Variants in SOX6 observed in about 807,000 individuals in gnomAD.
SOX6 encodes the protein SRY-box transcription factor 6.
Under a neutral mutation model 97.8 loss-of-function variants are expected in SOX6, and 11 were observed. The ratio of observed to expected loss-of-function variants is 0.11; its 90% CI spans 0.07 to 0.19. The LOEUF (loss-of-function observed/expected upper bound fraction) is 0.19. Among genes scored for constraint, SOX6 ranks in the 10% least tolerant of loss-of-function variants. SOX6 has a pLI of 1.00. For synonymous variants in SOX6, 360 were observed against 371.4 expected (o/e 0.97, Z 0.35); for missense variants, 810 against 1,039.5 (o/e 0.78, Z 3.04).
At chr11:16,274,968 GA>G in intron 3 of SOX6, among the ~76,000 whole-genome samples, 1 of 151,986 alleles carries the variant, frequency 6.6e-6, no homozygotes, top group South Asian at 2.1e-4. Flanking sequence ...TATTACTTCA[GA>G]AAAGAAATAA....
intron 3 of SOX6, among the ~76,000 whole-genome samples, chr11:16,652,414 A>G (rs1294463198): frequency 2.0e-5 from 3 of 152,232 alleles, no homozygotes; most frequent in Non-Finnish European, 4.4e-5. Flanking sequence ...AAAAATAGGT[A>G]CATAGACCAA....
At chr11:16,090,394 C>T (rs1848659127) in intron 9 of SOX6, among the ~76,000 whole-genome samples, 1 of 152,022 alleles carries the variant, frequency 6.6e-6, no homozygotes, top group Non-Finnish European at 1.5e-5. Flanking sequence ...TCCAGTTTAT[C>T]CAATGTTTTA....
At chr11:16,698,056 T>C (rs565760848) in intron 3 of SOX6, among the ~76,000 whole-genome samples, 1 of 152,328 alleles carries the variant, frequency 6.6e-6, no homozygotes, top group African/African-American at 2.4e-5. Context: ...CTAGCCACAT[T>C]AGCCACTAAC....
At chr11:16,603,204 G>C (rs1848292217) in intron 4 of SOX6, among the ~76,000 whole-genome samples, 1 of 152,156 alleles carries the variant, frequency 6.6e-6, no homozygotes, top group South Asian at 2.1e-4. Flanking sequence ...CTAATGTTGA[G>C]TGTTGAATTC....
intron 3 of SOX6, among the ~76,000 whole-genome samples, chr11:16,626,916 C>G (rs1848631154): frequency 6.6e-6 from 1 of 152,110 alleles, no homozygotes; most frequent in Non-Finnish European, 1.5e-5. Context: ...TACAAATTAT[C>G]CCATCACCCA....
rs557392244 is a variant in SOX6, at chr11:16,613,947, C to A, written n.430-1687G>T. ...CTGAAAGAGAAGCAAAGGGAGGGCG[C>A]CCTGCGGGCGGGCGGGCCACGCTAG... is the stretch of plus-strand genomic sequence containing the variant. On this transcript the variant is annotated intron_variant and non_coding_transcript_variant, in intron 3 of 5. Coordinates refer to the SOX6 transcript ENST00000524520. This position sits in a 1 kb window ranked among gnomAD's most constrained non-coding sequence, Gnocchi z 4.6. 5.3e-5 allele frequency among the ~76,000 whole-genome samples: 8 copies of A among 152,268 alleles called. No homozygotes were observed. The highest frequency in any genetic ancestry group is 1.9e-4 in the African/African-American group (8 of 41,560).
At chr11:16,415,703 A>C (rs1032570548) in intron 1 of SOX6, among the ~76,000 whole-genome samples, 3 of 152,200 alleles carry the variant, frequency 2.0e-5, no homozygotes, top group African/African-American at 7.2e-5. Flanking sequence ...TGTCTTAATT[A>C]AAAATTATAT....
chr11:16,399,736 G>A (rs1858494508), intron 1 of SOX6, among the ~76,000 whole-genome samples: 1 of 151,364 alleles, frequency 6.6e-6, no homozygotes, highest in Non-Finnish European at 1.5e-5. Flanking sequence ...GAGTGATACT[G>A]GTGACATTTC....
chr11:16,512,128 T>C (rs1860891199), intron 4 of SOX6, among the ~76,000 whole-genome samples: 1 of 152,094 alleles, frequency 6.6e-6, no homozygotes, highest in Non-Finnish European at 1.5e-5. Flanking sequence ...TCCAAACACT[T>C]GATGTACACC....
At chr11:16,658,911 T>TA (rs1025159486) in intron 3 of SOX6, among the ~76,000 whole-genome samples, 5 of 152,048 alleles carry the variant, frequency 3.3e-5, no homozygotes, top group African/African-American at 1.2e-4. Flanking sequence ...CTTCCTTTTT[T>TA]AAAAAAAGAA....
At chr11:16,290,041 C>T (rs1204712168) in intron 3 of SOX6, among the ~76,000 whole-genome samples, 3 of 151,932 alleles carry the variant, frequency 2.0e-5, no homozygotes, top group Non-Finnish European at 4.4e-5. Flanking sequence ...CAATGATTTC[C>T]ATGTTTCCAT....
At chr11:16,238,297 A>G (rs2134181279) in intron 3 of SOX6, among the ~76,000 whole-genome samples, 1 of 152,096 alleles carries the variant, frequency 6.6e-6, no homozygotes, top group African/African-American at 2.4e-5. Context: ...TTCTCTTTCA[A>G]GAAATTTGAG....
chr11:16,353,110 C>T (rs1856989668), intron 1 of SOX6, among the ~76,000 whole-genome samples: 1 of 151,992 alleles, frequency 6.6e-6, no homozygotes, highest in Non-Finnish European at 1.5e-5. Context: ...AATGTCACTG[C>T]CCGTTTATTT....
At chr11:16,240,974 TA>T (rs1163345290) in intron 3 of SOX6, among the ~76,000 whole-genome samples, 1 of 145,808 alleles carries the variant, frequency 6.9e-6, no homozygotes, top group East Asian at 2.0e-4. Context: ...AAAAAATTAC[TA>T]ATTATTTGCT....
intron 3 of SOX6, among the ~76,000 whole-genome samples, chr11:16,685,894 G>A (rs746046680): frequency 3.3e-5 from 5 of 152,350 alleles, no homozygotes; most frequent in Admixed American, 1.3e-4. Flanking sequence ...CCAAGCCTTC[G>A]CTCTTGCACT....
upstream of SOX6, among the ~76,000 whole-genome samples, chr11:16,358,398 C>T (rs143920005): frequency 6.6e-6 from 1 of 151,992 alleles, no homozygotes; most frequent in Non-Finnish European, 1.5e-5. Context: ...TATGAAAGAA[C>T]AAATAGTTCT....
chr11:16,031,461 T>A (rs753472566), intron 12 of SOX6: 1 of 152,200 alleles, frequency 6.6e-6, no homozygotes, highest in African/African-American at 2.4e-5. Flanking sequence ...TATGGTTAAT[T>A]CTTATGCGGC....
intron 2 of SOX6, among the ~76,000 whole-genome samples, chr11:16,339,754 A>G (rs1776646259): frequency 1.3e-5 from 2 of 152,100 alleles, no homozygotes; most frequent in Admixed American, 6.6e-5. Flanking sequence ...TACTCAATAA[A>G]TATTTGTTTA....
intron 1 of SOX6, among the ~76,000 whole-genome samples, chr11:16,355,639 A>G (rs966224211): frequency 6.6e-6 from 1 of 152,066 alleles, no homozygotes; most frequent in Non-Finnish European, 1.5e-5. Context: ...AAATATTTTC[A>G]TTAGTAAAAA....
Sources: allele counts gnomAD v4.1 joint callset (sites outside exome capture counted in the v4.1 genomes callset), GRCh38; gene constraint gnomAD v4.1.1; non-coding constraint Gnocchi (gnomAD v3.1); transcripts MANE v1.5; gene names NCBI Gene and HGNC (gene_info 2026-07-23, HGNC 2026-07-21).